NBEAL1: variants seen among roughly 807,000 people sequenced by gnomAD.
NBEAL1 encodes the protein neurobeachin like 1.
A neutral mutation model predicts 351.3 loss-of-function variants in NBEAL1; 273 were observed. The observed-to-expected ratio is 0.78, with a 90% confidence interval of 0.70 to 0.86. The LOEUF (loss-of-function observed/expected upper bound fraction) is 0.86, where lower values mean the gene tolerates loss of function less well. Ranked by LOEUF, NBEAL1 falls within the 40% of genes least tolerant of loss-of-function variation. NBEAL1 has a pLI of 0.00. For synonymous variants in NBEAL1, 1,050 were observed against 1,086.4 expected (o/e 0.97, Z 0.66); for missense variants, 2,961 against 3,201.3 (o/e 0.92, Z 1.81).
At position 203,067,534 on chromosome 2, in the gene NBEAL1, A is replaced by G. The variant is rs183415037; in HGVS notation, c.516-859A>G. Reference sequence around the variant, plus strand: ...AATAATTATAAGGAAAGTAATTTCAATAGCTCAATTATGGTCATTAAGAAG... The same window carrying G: ...AATAATTATAAGGAAAGTAATTTCAGTAGCTCAATTATGGTCATTAAGAAG... On this transcript the variant is annotated intron_variant, in intron 6 of 55. Transcript: ENST00000683969. Among the ~76,000 whole-genome samples, 550 of 152,352 alleles carry G rather than the reference A, an allele frequency of 3.6e-3. 2 individuals are homozygous for G. Among genetic ancestry groups the G allele is most frequent in the Non-Finnish European group, 4.5e-3 (305 of 68,022 alleles).
rs750273082 is a variant in NBEAL1, at chr2:203,197,439, C to T, written c.7128+48C>T. 8.3e-6 allele frequency: 10 copies of T among 1,209,432 alleles called. No individual in the cohort carries two copies. The East Asian group carries it at 2.3e-4, about 28-fold the overall frequency. 74.9% of individuals were successfully genotyped at this position (1,209,432 alleles called of 1,614,324 possible). A position where few individuals can be genotyped will look rare whatever the true frequency, so the allele number is the denominator to read the frequency against. On this transcript the variant is annotated intron_variant, in intron 48 of 55. Transcript: ENST00000683969. The stretch of plus-strand genomic sequence containing the variant: ...CACACTGCTATGCCTATATTCATTA[C>T]AACTTAGAAAAAAAGAGGAAATAAA...
At chr2:203,152,146 T>A (rs986046799) in intron 35 of NBEAL1, among the ~76,000 whole-genome samples, 2 of 151,478 alleles carry the variant, frequency 1.3e-5, no homozygotes, top group African/African-American at 4.8e-5. Context: ...TTAGTAGAGA[T>A]GGGGTTTCAC....
Position 203,219,306 on chromosome 2 carries a change from T to C in NBEAL1, c.*1952T>C, listed in dbSNP as rs1375003355. 6.6e-6 allele frequency: 1 copy of C among 152,178 alleles called. No homozygotes were observed. Among genetic ancestry groups the C allele is most frequent in the African/African-American group, 2.4e-5 (1 of 41,438 alleles). The allele number at this position is 152,178 out of a possible 1,614,324, so 9.4% of individuals were successfully genotyped here. On this transcript the variant is annotated 3_prime_UTR_variant, in exon 56 of 56. Transcript: ENST00000683969. ...AGATTTTGATGTAAAAATGCCTTCATTTTTAAGATTACTTAATACTGGATT... is the reference window on the plus strand; with the variant it reads ...AGATTTTGATGTAAAAATGCCTTCACTTTTAAGATTACTTAATACTGGATT...
intron 18 of NBEAL1, among the ~76,000 whole-genome samples, chr2:203,120,281 T>A (rs541295924): frequency 1.3e-5 from 2 of 152,316 alleles, no homozygotes; most frequent in East Asian, 3.9e-4. Flanking sequence ...TTTCTGAAGC[T>A]CAGTAAGATA....
At position 203,131,981 on chromosome 2, in the gene NBEAL1, A is replaced by G. The variant is rs2106300157; in HGVS notation, c.3573A>G (p.Glu1191=). 2.6e-6 allele frequency: 4 copies of G among 1,536,716 alleles called. No homozygotes were observed. In the South Asian group the frequency reaches 5.0e-5, roughly 19 times the overall value. The change falls in exon 26 of 56, where the codon GAA becomes GAG. Residue 1191 remains glutamate (E), a synonymous_variant. Transcript: ENST00000683969. ...RLREIIFKIM[E]QMLKCTNVYE... ...TTACTTGTCGTGACCAGATTATGGAACAAATGTTGAAATGCACGAACGTTT... is the reference window on the plus strand; with the variant it reads ...TTACTTGTCGTGACCAGATTATGGAGCAAATGTTGAAATGCACGAACGTTT...
intron 3 of NBEAL1, among the ~76,000 whole-genome samples, chr2:203,042,903 G>A (rs1220975489): frequency 6.6e-6 from 1 of 152,084 alleles, no homozygotes; most frequent in Non-Finnish European, 1.5e-5. Context: ...TGGTCTTTCT[G>A]ATAGGAGCAG....
At position 203,132,101 on chromosome 2, in the gene NBEAL1, T is replaced by TA. The variant is rs1440576312; in HGVS notation, c.3698dup (p.Asn1233LysfsTer14). 2 of 1,539,660 alleles carry TA rather than the reference T, an allele frequency of 1.3e-6. No homozygotes were observed. Among genetic ancestry groups the TA allele is most frequent in the Admixed American group, 4.0e-5 (2 of 50,338 alleles). On this transcript the variant is annotated frameshift_variant, in exon 26 of 56. Coordinates refer to ENST00000683969, the MANE Select transcript of NBEAL1 (RefSeq NM_001378026.1). LOFTEE classifies it high-confidence loss of function. ...AAGCACTTGTTAATACTTCTCTTAT[T>TA]AAAAACCTCACCCATCAAATCATAA...
intron 2 of NBEAL1, among the ~76,000 whole-genome samples, chr2:203,026,526 A>G (rs1174667750): frequency 6.8e-6 from 1 of 146,852 alleles, no homozygotes; most frequent in Non-Finnish European, 1.5e-5. Context: ...TTTTTTTGAG[A>G]CAGTCTTTGT....
intron 2 of NBEAL1, among the ~76,000 whole-genome samples, chr2:203,024,440 C>T (rs956403048): frequency 2.0e-5 from 3 of 151,254 alleles, no homozygotes; most frequent in South Asian, 4.2e-4. Flanking sequence ...CACCTGTAAT[C>T]GCAGCTACTT....
At position 203,112,982 on chromosome 2, in the gene NBEAL1, T is replaced by C. The variant is rs1398265967; in HGVS notation, c.2203-33T>C. 5.6e-6 allele frequency: 8 copies of C among 1,429,790 alleles called. No homozygotes were observed. The Admixed American group carries it at 1.5e-4, about 28-fold the overall frequency. 88.6% of individuals were successfully genotyped at this position (1,429,790 alleles called of 1,614,324 possible). A position where few individuals can be genotyped will look rare whatever the true frequency, so the allele number is the denominator to read the frequency against. ...TGTTAAATATGAGGATATATGTTAA[T>C]TAAAATTGTGTAATTTGTTTGTTTG... On this transcript the variant is annotated intron_variant, in intron 16 of 55. Coordinates refer to ENST00000683969, the MANE Select transcript of NBEAL1 (RefSeq NM_001378026.1).
rs2065954568 is a variant in NBEAL1 at position 203,221,578 on chromosome 2, T to TA, written c.*4225dup. Among the ~76,000 whole-genome samples the TA allele has an allele frequency of 6.6e-6, 1 of 152,152 alleles. No homozygotes were observed. The highest frequency in any genetic ancestry group is 1.5e-5 in the Non-Finnish European group (1 of 68,018). Reference sequence around the variant, plus strand: ...GTTTGTTTGTTTGCATCATCAGCCATACTCATGGCTTATCCTACGCATTGT... The same window carrying TA: ...GTTTGTTTGTTTGCATCATCAGCCATAACTCATGGCTTATCCTACGCATTGT... On this transcript the variant is annotated 3_prime_UTR_variant, in exon 56 of 56. Coordinates refer to ENST00000683969, the MANE Select transcript of NBEAL1 (RefSeq NM_001378026.1).
At chr2:203,045,020 T>G (rs375238803) in intron 3 of NBEAL1, among the ~76,000 whole-genome samples, 1 of 152,198 alleles carries the variant, frequency 6.6e-6, no homozygotes, top group East Asian at 1.9e-4. Context: ...TTCCAAGTCC[T>G]TAAATGCTCA....
At chr2:203,070,326 A>C (rs2061659748) in intron 7 of NBEAL1, among the ~76,000 whole-genome samples, 1 of 148,690 alleles carries the variant, frequency 6.7e-6, no homozygotes, top group African/African-American at 2.5e-5. Context: ...GTGATTATAT[A>C]ATTAACTTGT....
chr2:203,058,508 C>G (rs1156893762), intron 6 of NBEAL1, among the ~76,000 whole-genome samples: 1 of 152,164 alleles, frequency 6.6e-6, no homozygotes, highest in African/African-American at 2.4e-5. Context: ...AGAAGAGGCC[C>G]TACAGCACTG....
rs2065915458 is a variant in NBEAL1, at chr2:203,217,973, G to A, written c.*619G>A. 2 of 913,100 alleles carry A rather than the reference G, an allele frequency of 2.2e-6. No homozygotes were observed. Among genetic ancestry groups the A allele is most frequent in the Non-Finnish European group, 2.6e-6 (2 of 764,280 alleles). 56.6% of individuals were successfully genotyped at this position (913,100 alleles called of 1,614,324 possible). A position where few individuals can be genotyped will look rare whatever the true frequency, so the allele number is the denominator to read the frequency against. On this transcript the variant is annotated 3_prime_UTR_variant, in exon 56 of 56. Coordinates refer to ENST00000683969, the MANE Select transcript of NBEAL1 (RefSeq NM_001378026.1). ...TCTATTACTGTCCTTAATAAAAATT[G>A]AGTAGAAAAAAGTGGAACTAGAGAT...
intron 46 of NBEAL1, among the ~76,000 whole-genome samples, chr2:203,191,554 T>C (rs962190668): frequency 6.6e-6 from 1 of 152,128 alleles, no homozygotes; most frequent in Non-Finnish European, 1.5e-5. Flanking sequence ...AAATATATCA[T>C]TTATTAACTA....
Position 203,135,733 on chromosome 2 carries a change from G to A in NBEAL1, c.3870G>A (p.Val1290=). 1 of 1,571,386 alleles carries A rather than the reference G, an allele frequency of 6.4e-7. No individual in the cohort carries two copies. Among genetic ancestry groups the A allele is most frequent in the Middle Eastern group, 1.7e-4 (1 of 5,988 alleles). The change falls in exon 28 of 56, where the codon GTG becomes GTA. Residue 1290 remains valine, a synonymous_variant. Coordinates refer to ENST00000683969, the MANE Select transcript of NBEAL1 (RefSeq NM_001378026.1). Reference sequence around the variant, plus strand: ...CAGCACATCAAATATCACAGCAAGTGGGTTGGCAAGACACCTTAGTTAGGC... The same window carrying A: ...CAGCACATCAAATATCACAGCAAGTAGGTTGGCAAGACACCTTAGTTAGGC... The part of the protein sequence containing the change: ...PDAAHQISQQ[V]GWQDTLVRLF...
intron 31 of NBEAL1, among the ~76,000 whole-genome samples, chr2:203,142,415 C>G (rs1374368270): frequency 1.3e-5 from 2 of 152,168 alleles, no homozygotes; most frequent in Non-Finnish European, 2.9e-5. Context: ...CTCAGCCTCC[C>G]AAAGTGCTGG....
At chr2:203,178,385 G>A (rs183162440) in intron 42 of NBEAL1, among the ~76,000 whole-genome samples, 6 of 152,022 alleles carry the variant, frequency 3.9e-5, no homozygotes, top group East Asian at 1.9e-4. Context: ...CAGGCTGGTC[G>A]TGAACTCCTG....
Sources: gnomAD v4.1 joint callset for allele counts (sites outside exome capture counted in the v4.1 genomes callset) on GRCh38, gnomAD v4.1.1 for gene constraint, MANE v1.5 for transcripts, NCBI Gene and HGNC (gene_info 2026-07-23, HGNC 2026-07-21) for gene names.